ADAMTS19: variants seen among roughly 807,000 people sequenced by gnomAD.
ADAMTS19 encodes ADAM metallopeptidase with thrombospondin type 1 motif 19.
A neutral mutation model predicts 153.3 loss-of-function variants in ADAMTS19; 93 were observed. The ratio of observed to expected loss-of-function variants is 0.61; its 90% confidence interval spans 0.51 to 0.72. The LOEUF (loss-of-function observed/expected upper bound fraction) is 0.72. ADAMTS19 is among the 30% of genes least tolerant of loss of function. ADAMTS19 has a pLI of 0.00. For synonymous variants in ADAMTS19, 600 were observed against 556.6 expected, an observed-to-expected ratio of 1.08 and a Z score of -1.10; for missense variants, 1,482 against 1,552.1, an observed-to-expected ratio of 0.95 and a Z score of 0.76.
chr5:129,560,429 A>C (rs1045373740), intron 7 of ADAMTS19, among the ~76,000 whole-genome samples: 13 of 152,288 alleles, frequency 8.5e-5, no homozygotes, highest in Non-Finnish European at 1.9e-4. Context: ...CACCTTGAAC[A>C]GGCATTATCT....
At chr5:129,600,610 T>C (rs1216325740) in intron 8 of ADAMTS19, among the ~76,000 whole-genome samples, 1 of 152,136 alleles carries the variant, frequency 6.6e-6, no homozygotes, top group Admixed American at 6.5e-5. Context: ...TTTAAAAAAA[T>C]GACTCTTGGG....
chr5:129,505,284 T>A (rs1050163545), intron 2 of ADAMTS19, among the ~76,000 whole-genome samples: 1 of 152,116 alleles, frequency 6.6e-6, no homozygotes, highest in African/African-American at 2.4e-5. Context: ...ACTTTGGTTA[T>A]GTCAGTGATT....
intron 2 of ADAMTS19, among the ~76,000 whole-genome samples, chr5:129,496,674 T>C (rs1367837103): frequency 6.6e-6 from 1 of 152,058 alleles, no homozygotes; most frequent in Non-Finnish European, 1.5e-5. Context: ...CATTCTCTTC[T>C]ACTTAAAGCA....
At chr5:129,731,085 A>G (rs1757424714) in intron 21 of ADAMTS19, among the ~76,000 whole-genome samples, 1 of 151,942 alleles carries the variant, frequency 6.6e-6, no homozygotes, top group Non-Finnish European at 1.5e-5. Flanking sequence ...CATCCTCCCC[A>G]ATAGCTAGAA....
intron 11 of ADAMTS19, among the ~76,000 whole-genome samples, chr5:129,646,293 T>C (rs1395140035): frequency 6.6e-6 from 1 of 152,198 alleles, no homozygotes; most frequent in Admixed American, 6.5e-5. Context: ...ATTTTGTTTT[T>C]CAAGTTTAGA....
intron 8 of ADAMTS19, among the ~76,000 whole-genome samples, chr5:129,597,884 G>C (rs1237885154): frequency 7.1e-6 from 1 of 141,610 alleles, no homozygotes; most frequent in Non-Finnish European, 1.5e-5. Flanking sequence ...CCTGGTGACA[G>C]AGTGAGTCTC....
chr5:129,605,405 G>A (rs904938859), intron 8 of ADAMTS19, among the ~76,000 whole-genome samples: 6 of 152,152 alleles, frequency 3.9e-5, no homozygotes, highest in Non-Finnish European at 8.8e-5. Context: ...AGTCACTTTG[G>A]GGACTTGGCC....
At position 129,509,073 on chromosome 5, in the gene ADAMTS19, C is replaced by A. The variant is rs1206816535; in HGVS notation, c.748-4C>A. On this transcript the variant is annotated splice_polypyrimidine_tract_variant and splice_region_variant and intron_variant, in intron 2 of 22. Transcript: ENST00000274487. ...TACATATCTTTTTGTGTTATATATTCCAGATGGGATTTATACAGCTCAATG... is the reference window on the plus strand; with the variant it reads ...TACATATCTTTTTGTGTTATATATTACAGATGGGATTTATACAGCTCAATG... 3.2e-6 allele frequency: 5 copies of A among 1,581,860 alleles called. No homozygotes were observed. Among genetic ancestry groups the A allele is most frequent in the Non-Finnish European group, 4.3e-6 (5 of 1,164,610 alleles).
chr5:129,655,071 G>C (rs930054432), intron 14 of ADAMTS19, among the ~76,000 whole-genome samples: 7 of 152,146 alleles, frequency 4.6e-5, no homozygotes, highest in Non-Finnish European at 1.0e-4. Flanking sequence ...TTCTGCCACT[G>C]TCTCAAGTTG....
intron 3 of ADAMTS19, among the ~76,000 whole-genome samples, chr5:129,523,721 G>A (rs1256903737): frequency 1.3e-5 from 2 of 151,944 alleles, no homozygotes; most frequent in Non-Finnish European, 1.5e-5. Context: ...ACTGGGATCA[G>A]ACTATAGAGA....
At position 129,574,765 on chromosome 5, in the gene ADAMTS19, C is replaced by T. The variant is rs115337069; in HGVS notation, c.1373-21794C>T. On this transcript the variant is annotated intron_variant, in intron 7 of 22. Transcript: ENST00000274487. ...TAAAATTTTATTCTCCTCATTTGAC[C>T]TTCTTTATACTTAATGCAGAAAAAG... is the stretch of plus-strand genomic sequence containing the variant. 3.7e-3 allele frequency among the ~76,000 whole-genome samples: 563 copies of T among 151,002 alleles called. 6 individuals are homozygous for T. The highest frequency in any genetic ancestry group is 0.012 in the African/African-American group (508 of 41,200).
At chr5:129,730,621 CT>C (rs1176199910) in intron 21 of ADAMTS19, among the ~76,000 whole-genome samples, 1 of 152,056 alleles carries the variant, frequency 6.6e-6, no homozygotes, top group Admixed American at 6.6e-5. Flanking sequence ...TACAAAGGGT[CT>C]ATGTTAAATA....
chr5:129,619,760 T>C (rs1351910256), intron 8 of ADAMTS19, among the ~76,000 whole-genome samples: 1 of 151,920 alleles, frequency 6.6e-6, no homozygotes, highest in Admixed American at 6.6e-5. Flanking sequence ...ATAGTAACTA[T>C]AGGATAGAAG....
chr5:129,498,026 A>T (rs1750981660), intron 2 of ADAMTS19, among the ~76,000 whole-genome samples: 1 of 152,052 alleles, frequency 6.6e-6, no homozygotes. Context: ...TGAGAGCTCT[A>T]CATGAATCAT....
intron 18 of ADAMTS19, among the ~76,000 whole-genome samples, chr5:129,687,845 C>T (rs577004376): frequency 3.2e-4 from 49 of 152,148 alleles, no homozygotes; most frequent in African/African-American, 8.9e-4. Context: ...TACAAATGGA[C>T]GTTTTATTAT....
At chr5:129,518,489 T>C (rs768139637) in intron 3 of ADAMTS19, among the ~76,000 whole-genome samples, 6 of 152,176 alleles carry the variant, frequency 3.9e-5, no homozygotes, top group Non-Finnish European at 8.8e-5. Flanking sequence ...GGGGAAATTT[T>C]TTTTTACTTC....
At chr5:129,494,202 A>T (rs1193569957) in intron 2 of ADAMTS19, among the ~76,000 whole-genome samples, 1 of 152,156 alleles carries the variant, frequency 6.6e-6, no homozygotes, top group Non-Finnish European at 1.5e-5. Context: ...AAATATCTAT[A>T]TTTCAAAATA....
rs568948855 is a variant in ADAMTS19, at chr5:129,568,557, T to C, written c.1372+16650T>C. Among the ~76,000 whole-genome samples, 10 of 152,272 alleles carry C rather than the reference T, an allele frequency of 6.6e-5. No individual in the cohort carries two copies. In the South Asian group the frequency reaches 2.1e-3, roughly 32 times the overall value. On this transcript the variant is annotated intron_variant, in intron 7 of 22. Transcript: ENST00000274487. ...TAAATACACTGGGCATGGTCACTCATGCCTGTAAGCCCAGCATTTTGGGAA... is the reference window on the plus strand; with the variant it reads ...TAAATACACTGGGCATGGTCACTCACGCCTGTAAGCCCAGCATTTTGGGAA...
At chr5:129,508,966 A>G (rs1376425524) in intron 2 of ADAMTS19, 111 bp from the exon 3 acceptor site, 4 of 842,378 alleles carry the variant, frequency 4.7e-6, no homozygotes, top group African/African-American at 1.8e-5. Context: ...TAGTTTCACT[A>G]GAAGACTGTA....
Sources: gnomAD v4.1 joint callset for allele counts (sites outside exome capture counted in the v4.1 genomes callset) on GRCh38, gnomAD v4.1.1 for gene constraint, MANE v1.5 for transcripts, NCBI Gene and HGNC (gene_info 2026-07-23, HGNC 2026-07-21) for gene names.